The following OCIAD1 variants were observed in gnomAD, a reference collection of about 807,000 sequenced individuals.
The protein encoded by OCIAD1 is OCIA domain-containing protein 1.
OCIAD1 carries 29 observed loss-of-function variants against 38.9 expected under a neutral mutation model. The observed-to-expected ratio is 0.74, with a 90% CI of 0.55 to 1.02. OCIAD1 has a LOEUF of 1.02. Ranked by LOEUF, OCIAD1 falls within the 50% of genes least tolerant of loss-of-function variation. The probability of loss-of-function intolerance (pLI) is 0.00; values close to 1 mark genes in which losing one functional copy is unlikely to be tolerated. For missense variants in OCIAD1, 288 were observed against 289.6 expected (o/e 0.99, Z 0.04); for synonymous variants, 110 against 92.0 (o/e 1.20, Z -1.12).
At chr4:48,852,108 T>G in intron 7 of OCIAD1, 133 bp downstream of exon 7, 1 of 655,234 alleles carries the variant, frequency 1.5e-6, no homozygotes, top group Non-Finnish European at 2.5e-6. Context: ...TCAGCATGTT[T>G]GTTCATTTGT....
At chr4:48,849,321 TAAAAG>T (rs1218191566) in intron 5 of OCIAD1, among the ~76,000 whole-genome samples, 2 of 151,954 alleles carry the variant, frequency 1.3e-5, no homozygotes, top group African/African-American at 4.8e-5. Context: ...AATAAATAAA[TAAAAG>T]AAAAAGAAGC....
intron 1 of OCIAD1, among the ~76,000 whole-genome samples, chr4:48,815,361 A>G (rs1255243439): frequency 6.6e-6 from 1 of 152,196 alleles, no homozygotes; most frequent in Non-Finnish European, 1.5e-5. Context: ...ACAGTGGCAG[A>G]TGCAAGATTT....
At chr4:48,851,558 C>T (rs904408875) in intron 6 of OCIAD1, among the ~76,000 whole-genome samples, 5 of 152,034 alleles carry the variant, frequency 3.3e-5, no homozygotes, top group Admixed American at 2.6e-4. Context: ...CCTGTAGTCC[C>T]AGCTACTTGG....
chr4:48,816,604 T>A (rs1397681592), intron 1 of OCIAD1, among the ~76,000 whole-genome samples: 4 of 152,150 alleles, frequency 2.6e-5, no homozygotes, highest in African/African-American at 9.7e-5. Flanking sequence ...TATAAAACTT[T>A]GAAATAATAT....
At position 48,842,237 on chromosome 4, in the gene OCIAD1, A is replaced by G. The variant is rs1427681185; in HGVS notation, c.140-399A>G. Among the ~76,000 whole-genome samples, 8 of 152,250 alleles carry G rather than the reference A, an allele frequency of 5.3e-5. No homozygotes were observed. The East Asian group carries it at 1.3e-3, about 26-fold the overall frequency. Reference sequence around the variant, plus strand: ...GCGCTTAGCATGATGCACAGAATTTAGTCATTACTCAGTAGTGGTTCTTAC... The same window carrying G: ...GCGCTTAGCATGATGCACAGAATTTGGTCATTACTCAGTAGTGGTTCTTAC... On this transcript the variant is annotated intron_variant, in intron 3 of 8. Coordinates refer to ENST00000264312, the MANE Select transcript of OCIAD1 (RefSeq NM_017830.4).
At chr4:48,848,349 T>A (rs1402556249) in intron 4 of OCIAD1, 50 bp from the exon 5 acceptor site, 3 of 881,994 alleles carry the variant, frequency 3.4e-6, no homozygotes, top group Non-Finnish European at 5.6e-6. Flanking sequence ...CTTTACTGAT[T>A]TTTCTTTCTG....
chr4:48,834,304 TGG>T (rs1777783861), intron 3 of OCIAD1, among the ~76,000 whole-genome samples: 1 of 152,204 alleles, frequency 6.6e-6, no homozygotes, highest in East Asian at 1.9e-4. Context: ...CCTGAGTAGC[TGG>T]GATTACAGGC....
intron 1 of OCIAD1, among the ~76,000 whole-genome samples, chr4:48,813,326 T>C (rs1186653201): frequency 6.6e-6 from 1 of 152,130 alleles, no homozygotes. Flanking sequence ...ACAATTGTGA[T>C]GTGGTAAGTG....
In OCIAD1 at chr4:48,860,918, AAAC is replaced by A. The variant is rs1314890755; in HGVS notation, c.*158_*160del. Reference sequence around the variant, plus strand: ...GTTTGACTTCTATGGTGTTTTAAAAAAACACAGATTTTTAGTGTTAATATTGTG... The same window carrying A: ...GTTTGACTTCTATGGTGTTTTAAAAAACAGATTTTTAGTGTTAATATTGTG... On this transcript the variant is annotated 3_prime_UTR_variant, in exon 9 of 9. Coordinates refer to ENST00000264312, the MANE Select transcript of OCIAD1 (RefSeq NM_017830.4). 1.5e-6 allele frequency: 1 copy of A among 648,628 alleles called. No homozygotes were observed. The allele number at this position is 648,628 out of a possible 1,614,324, so 40.2% of individuals were successfully genotyped here. A position where few individuals can be genotyped will look rare whatever the true frequency, so the allele number is the denominator to read the frequency against.
intron 1 of OCIAD1, among the ~76,000 whole-genome samples, chr4:48,810,117 G>A (rs1442802494): frequency 2.6e-5 from 4 of 152,030 alleles, no homozygotes; most frequent in Non-Finnish European, 4.4e-5. Flanking sequence ...CGAAATATTA[G>A]ATATTATTAT....
chr4:48,860,883 G>T lies in OCIAD1; in HGVS notation c.*121G>T. Reference sequence around the variant, plus strand: ...TAAACACATTTAAAACAAGATCCTGGGTTTTTGTGGTTTGACTTCTATGGT... The same window carrying T: ...TAAACACATTTAAAACAAGATCCTGTGTTTTTGTGGTTTGACTTCTATGGT... On this transcript the variant is annotated 3_prime_UTR_variant, in exon 9 of 9. Transcript: ENST00000264312. The T allele has an allele frequency of 1.1e-5, 8 of 727,168 alleles. No homozygotes were observed. Among genetic ancestry groups the T allele is most frequent in the South Asian group, 3.5e-5 (2 of 57,080 alleles). The allele number at this position is 727,168 out of a possible 1,614,324, so 45.0% of individuals were successfully genotyped here.
chr4:48,815,973 T>C (rs1283304042), intron 1 of OCIAD1, among the ~76,000 whole-genome samples: 1 of 152,242 alleles, frequency 6.6e-6, no homozygotes, highest in Non-Finnish European at 1.5e-5. Context: ...CTGATTGTTT[T>C]CTTTTCATCC....
upstream of OCIAD1, among the ~76,000 whole-genome samples, chr4:48,828,189 T>C (rs1000317831): frequency 6.6e-6 from 1 of 151,504 alleles, no homozygotes; most frequent in Non-Finnish European, 1.5e-5. Flanking sequence ...CACCAATCAG[T>C]GCTCTGTGTC....
chr4:48,815,106 G>A (rs1361612278), intron 1 of OCIAD1, among the ~76,000 whole-genome samples: 13 of 152,152 alleles, frequency 8.5e-5, no homozygotes, highest in Admixed American at 8.5e-4. Context: ...GAGGTCAGGA[G>A]TTCGAGACCA....
At chr4:48,837,154 TA>T (rs1778069079) in intron 3 of OCIAD1, 1 of 151,750 alleles carries the variant, frequency 6.6e-6, no homozygotes, top group Non-Finnish European at 1.5e-5. Context: ...TTTGTATTTT[TA>T]CTAGAGATGG....
chr4:48,815,855 G>A (rs2109491129), intron 1 of OCIAD1, among the ~76,000 whole-genome samples: 1 of 152,148 alleles, frequency 6.6e-6, no homozygotes, highest in African/African-American at 2.4e-5. Flanking sequence ...CCACCATCTA[G>A]TCAACATCAT....
At chr4:48,849,081 T>A (rs1779202811) in intron 5 of OCIAD1, among the ~76,000 whole-genome samples, 1 of 151,816 alleles carries the variant, frequency 6.6e-6, no homozygotes, top group African/African-American at 2.4e-5. Context: ...CACTCATAGG[T>A]GGGAATCGAA....
At chr4:48,842,445 A>G (rs1778619487) in intron 3 of OCIAD1, among the ~76,000 whole-genome samples, 191 bp from the exon 4 acceptor site, 1 of 152,204 alleles carries the variant, frequency 6.6e-6, no homozygotes, top group African/African-American at 2.4e-5. Flanking sequence ...TGTTTTCTTA[A>G]ATTTAAAATG....
chr4:48,820,541 T>A (rs778506699), intron 1 of OCIAD1, among the ~76,000 whole-genome samples: 35 of 151,622 alleles, frequency 2.3e-4, no homozygotes, highest in Admixed American at 3.3e-4. Flanking sequence ...AAACAAGAAA[T>A]AACTAAGATC....
Sources: gnomAD v4.1 joint callset for allele counts (sites outside exome capture counted in the v4.1 genomes callset) on GRCh38, gnomAD v4.1.1 for gene constraint, MANE v1.5 for transcripts, NCBI Gene and HGNC (gene_info 2026-07-23, HGNC 2026-07-21) for gene names.